MICU1: variants seen among roughly 807,000 people sequenced by gnomAD.
MICU1 encodes calcium uptake protein 1, mitochondrial.
A neutral mutation model predicts 56.8 loss-of-function variants in MICU1; 45 were observed. The observed-to-expected ratio is 0.79, with a 90% CI of 0.62 to 1.02. MICU1 has a LOEUF of 1.02. Among genes scored for constraint, MICU1 ranks in the 50% least tolerant of loss-of-function variants. The pLI is 0.00. For missense variants in MICU1, 504 were observed against 587.1 expected (o/e 0.86, Z 1.46); for synonymous variants, 186 against 195.1 (o/e 0.95, Z 0.39).
chr10:72,425,686 T>C (rs553462844), intron 8 of MICU1, among the ~76,000 whole-genome samples: 1 of 152,136 alleles, frequency 6.6e-6, no homozygotes, highest in Non-Finnish European at 1.5e-5. Flanking sequence ...GCACCTCTCC[T>C]TTTAGGTTTT....
chr10:72,512,611 C>T (rs1487426316), intron 5 of MICU1, among the ~76,000 whole-genome samples: 1 of 152,086 alleles, frequency 6.6e-6, no homozygotes, highest in Admixed American at 6.6e-5. Flanking sequence ...TGTTTGAGTA[C>T]CTGTTGTCAA....
At chr10:72,403,629 TTGTGTGTGTGTGTGTGTGTGTGTGTGTG>T (rs60373032) in intron 10 of MICU1, among the ~76,000 whole-genome samples, 1 of 139,824 alleles carries the variant, frequency 7.2e-6, no homozygotes, top group Non-Finnish European at 1.5e-5. Flanking sequence ...CATACCAAAA[TTGTGTGTGTGTGTGTGTGTGTGTGTGTG>T]TGTGTGTGTG....
In MICU1 at chr10:72,436,866, G is replaced by A. The variant is rs556844935; in HGVS notation, c.934-13495C>T. ...AACAAAAAGATAAGAGTAAAAAAAC[G>A]AACAAAGCCTCCAAGAAATATGGGA... On this transcript the variant is annotated intron_variant, in intron 8 of 11. Coordinates refer to ENST00000361114, the MANE Select transcript of MICU1 (RefSeq NM_001195518.2). Among the ~76,000 whole-genome samples, 123 of 151,648 alleles carry A rather than the reference G, an allele frequency of 8.1e-4. 4 individuals are homozygous for A. The South Asian group carries it at 0.024, about 30-fold the overall frequency.
At chr10:72,420,874 C>T (rs575102699) in intron 9 of MICU1, among the ~76,000 whole-genome samples, 2 of 150,524 alleles carry the variant, frequency 1.3e-5, no homozygotes, top group South Asian at 2.1e-4. Flanking sequence ...CAAGGTTTCG[C>T]CACTTTGCCC....
At chr10:72,557,870 C>G (rs1840196824) in intron 3 of MICU1, among the ~76,000 whole-genome samples, 1 of 152,072 alleles carries the variant, frequency 6.6e-6, no homozygotes, top group Non-Finnish European at 1.5e-5. Context: ...GTCGAGTGTC[C>G]AGCAGCAGAC....
intron 2 of MICU1, among the ~76,000 whole-genome samples, chr10:72,564,559 A>AAAAAAAAAAG (rs1840379677): frequency 6.7e-6 from 1 of 150,256 alleles, no homozygotes; most frequent in African/African-American, 2.5e-5. Flanking sequence ...AAAAAAAAAA[A>AAAAAAAAAAG]AAAAGAAAAG....
intron 9 of MICU1, among the ~76,000 whole-genome samples, chr10:72,409,781 T>C (rs1863747035): frequency 6.6e-6 from 1 of 152,246 alleles, no homozygotes; most frequent in Admixed American, 6.5e-5. Context: ...TAAAAAACTT[T>C]ATTGTGGAAT....
intron 8 of MICU1, among the ~76,000 whole-genome samples, 155 bp from the exon 9 acceptor site, chr10:72,423,526 A>C (rs1397839414): frequency 6.6e-6 from 1 of 152,232 alleles, no homozygotes; most frequent in Non-Finnish European, 1.5e-5. Context: ...AAAAACTAAG[A>C]AACAGAAGAT....
chr10:72,447,621 A>G (rs1865145413), intron 8 of MICU1, among the ~76,000 whole-genome samples: 1 of 152,140 alleles, frequency 6.6e-6, no homozygotes, highest in Non-Finnish European at 1.5e-5. Flanking sequence ...TTCTATAGGA[A>G]CAATTTCACA....
At chr10:72,393,772 G>A (rs754805943) in intron 10 of MICU1, among the ~76,000 whole-genome samples, 21 of 152,084 alleles carry the variant, frequency 1.4e-4, no homozygotes, top group African/African-American at 3.4e-4. Context: ...TTGTTTGTTT[G>A]TTTGTTTGTT....
Position 72,368,037 on chromosome 10 carries a change from C to T in MICU1, c.*158G>A, listed in dbSNP as rs780975964. The T allele has an allele frequency of 2.5e-5, 17 of 690,756 alleles. No individual in the cohort carries two copies. The highest frequency in any genetic ancestry group is 5.5e-5 in the East Asian group (2 of 36,310). 42.8% of individuals were successfully genotyped at this position (690,756 alleles called of 1,614,324 possible). On this transcript the variant is annotated 3_prime_UTR_variant, in exon 12 of 12. Transcript: ENST00000361114. ...ATCAGAGCCCAGCAGAACACGGGGA[C>T]GGGGAAGGGTAAAGAGGGGAAACCG...
intron 1 of MICU1, among the ~76,000 whole-genome samples, chr10:72,569,784 G>C (rs1042237464): frequency 6.6e-6 from 1 of 152,072 alleles, no homozygotes; most frequent in South Asian, 2.1e-4. Context: ...GACCTTCAGG[G>C]CTCAGTATAG....
At chr10:72,410,374 T>C (rs1863769962) in intron 9 of MICU1, among the ~76,000 whole-genome samples, 1 of 152,234 alleles carries the variant, frequency 6.6e-6, no homozygotes, top group African/African-American at 2.4e-5. Flanking sequence ...CCCAGCACTT[T>C]GGGTGGCCGA....
chr10:72,608,697 A>C (rs1365722258), intron 1 of MICU1, among the ~76,000 whole-genome samples: 1 of 152,226 alleles, frequency 6.6e-6, no homozygotes, highest in Non-Finnish European at 1.5e-5. Context: ...TTGGCCTAAA[A>C]CTGCCTCCGT....
intron 3 of MICU1, among the ~76,000 whole-genome samples, chr10:72,553,063 G>A (rs901024053): frequency 1.3e-4 from 20 of 152,238 alleles, no homozygotes; most frequent in East Asian, 3.9e-4. Flanking sequence ...AATACAATCT[G>A]AATAGATTTC....
intron 8 of MICU1, among the ~76,000 whole-genome samples, chr10:72,466,002 A>C (rs748713522): frequency 3.9e-5 from 6 of 152,068 alleles, no homozygotes; most frequent in Non-Finnish European, 7.4e-5. Context: ...CTCACCATAC[A>C]ATTTTTTTCC....
At chr10:72,369,193 G>A (rs143506652) in intron 11 of MICU1, among the ~76,000 whole-genome samples, 6 of 151,760 alleles carry the variant, frequency 4.0e-5, no homozygotes, top group African/African-American at 1.2e-4. Context: ...CAGGAAGATC[G>A]CTTGATTACC....
At chr10:72,584,261 C>T (rs139663926) in intron 1 of MICU1, among the ~76,000 whole-genome samples, 16 of 152,052 alleles carry the variant, frequency 1.1e-4, no homozygotes, top group East Asian at 3.9e-4. Context: ...TGAAACTTAA[C>T]GTCTGGTGAA....
chr10:72,456,849 T>TTGTGTG (rs56262647), intron 8 of MICU1, among the ~76,000 whole-genome samples: 2,941 of 134,022 alleles, frequency 0.022, 43 homozygotes, highest in East Asian at 0.056. Context: ...CGGGCTCATT[T>TTGTGTG]TGTGTGTGTG....
Sources: allele counts gnomAD v4.1 joint callset (sites outside exome capture counted in the v4.1 genomes callset), GRCh38; gene constraint gnomAD v4.1.1; transcripts MANE v1.5; gene names NCBI Gene and HGNC (gene_info 2026-07-23, HGNC 2026-07-21).